ASTN2: variants seen among roughly 807,000 people sequenced by gnomAD.
ASTN2 encodes astrotactin 2.
Under a neutral mutation model 139.8 loss-of-function variants are expected in ASTN2, and 54 were observed. The observed-to-expected ratio is 0.39, with a 90% CI of 0.31 to 0.48. The LOEUF (loss-of-function observed/expected upper bound fraction) is 0.48, where lower values mean the gene tolerates loss of function less well. ASTN2 is among the 20% of genes least tolerant of loss of function. The pLI is 0.95. For synonymous variants in ASTN2, 756 were observed against 719.5 expected (o/e 1.05, Z -0.81); for missense variants, 1,565 against 1,725.1 (o/e 0.91, Z 1.64).
intron 1 of ASTN2, among the ~76,000 whole-genome samples, chr9:117,406,857 AACACACACACACACACACACAC>A (rs59125408): frequency 1.7e-4 from 24 of 144,240 alleles, no homozygotes; most frequent in African/African-American, 5.1e-4. Flanking sequence ...ATTGTCCCCT[AACACACACACACACACACACAC>A]ACACACACAC....
intron 19 of ASTN2, among the ~76,000 whole-genome samples, chr9:116,538,922 A>T (rs2119337940): frequency 6.6e-6 from 1 of 152,342 alleles, no homozygotes; most frequent in Middle Eastern, 3.4e-3. Context: ...ATTGACAAGA[A>T]CTAGTAAGAT....
chr9:116,808,961 T>A (rs572891299), intron 12 of ASTN2, among the ~76,000 whole-genome samples: 7 of 152,310 alleles, frequency 4.6e-5, no homozygotes. Flanking sequence ...TCCATTAATA[T>A]GCATTGACCA....
intron 7 of ASTN2, among the ~76,000 whole-genome samples, chr9:117,006,905 A>G (rs995979156): frequency 2.0e-5 from 3 of 152,130 alleles, no homozygotes; most frequent in Non-Finnish European, 2.9e-5. Context: ...TCATGAAGTC[A>G]GGAGTTCAAG....
chr9:116,620,042 G>C (rs73528729), intron 18 of ASTN2, among the ~76,000 whole-genome samples: 1,685 of 152,072 alleles, frequency 0.011, 28 homozygotes, highest in African/African-American at 0.039. Context: ...ACAAGCTTTT[G>C]CTGAATGGTT....
At chr9:116,924,366 G>T (rs1320964170) in intron 10 of ASTN2, among the ~76,000 whole-genome samples, 1 of 145,666 alleles carries the variant, frequency 6.9e-6, no homozygotes, top group Non-Finnish European at 1.5e-5. Flanking sequence ...GGAGGCAGAG[G>T]TTACAGTGAG....
At position 117,131,689 on chromosome 9, in the gene ASTN2, T is replaced by C. The variant is rs117874323; in HGVS notation, c.1168+9637A>G. Reference sequence around the variant, plus strand: ...ACCCCCATTATCTTAACTCAAGCATTTACTTCAAGTCTTTAGATAATGTTT... The same window carrying C: ...ACCCCCATTATCTTAACTCAAGCATCTACTTCAAGTCTTTAGATAATGTTT... On this transcript the variant is annotated intron_variant, in intron 4 of 22. Transcript: ENST00000313400. 3.4e-3 allele frequency among the ~76,000 whole-genome samples: 520 copies of C among 152,298 alleles called. 12 individuals carry two copies. In the East Asian group the frequency reaches 0.061, roughly 18 times the overall value.
At chr9:117,036,744 G>T (rs954638344) in intron 6 of ASTN2, among the ~76,000 whole-genome samples, 2 of 152,052 alleles carry the variant, frequency 1.3e-5, no homozygotes, top group African/African-American at 4.8e-5. Context: ...CATAATACAG[G>T]CTCTTTCCCC....
intron 19 of ASTN2, among the ~76,000 whole-genome samples, chr9:116,591,182 G>T (rs1017881531): frequency 6.6e-6 from 1 of 152,206 alleles, no homozygotes; most frequent in Non-Finnish European, 1.5e-5. Flanking sequence ...GGAGCTCCCT[G>T]AGCCAGGGCC....
chr9:117,411,867 G>T (rs1241174945), intron 1 of ASTN2, among the ~76,000 whole-genome samples: 1 of 152,166 alleles, frequency 6.6e-6, no homozygotes, highest in Non-Finnish European at 1.5e-5. Flanking sequence ...TGCCCAACTC[G>T]CCAGAGACAA....
chr9:116,751,856 A>C lies in ASTN2; in HGVS notation c.2397-18333T>G, dbSNP rs557403668. 1.5e-4 allele frequency among the ~76,000 whole-genome samples: 23 copies of C among 152,308 alleles called. No homozygotes were observed. In the South Asian group the frequency reaches 4.8e-3, roughly 32 times the overall value. ...CTACAAAACTCTGATGAAGGAAATA[A>C]AAGATCAAAATAAATAAAAGGAGAT... On this transcript the variant is annotated intron_variant, in intron 13 of 22. Coordinates refer to ENST00000313400, the MANE Select transcript of ASTN2 (RefSeq NM_001365068.1).
In ASTN2 at chr9:116,793,353, C is replaced by T. The variant is rs554978108; in HGVS notation, c.2396+12279G>A. ...TCATTCAACACATATTCAGCAGGAA[C>T]GGGGGACACAGCAATGAACAACACA... On this transcript the variant is annotated intron_variant, in intron 13 of 22. Coordinates refer to ENST00000313400, the MANE Select transcript of ASTN2 (RefSeq NM_001365068.1). Among the ~76,000 whole-genome samples the T allele has an allele frequency of 2.7e-4, 41 of 152,264 alleles. No individual in the cohort carries two copies. The South Asian group carries it at 7.9e-3, about 29-fold the overall frequency.
chr9:116,527,415 T>C (rs543936583), intron 19 of ASTN2, among the ~76,000 whole-genome samples: 1 of 152,224 alleles, frequency 6.6e-6, no homozygotes, highest in East Asian at 1.9e-4. Context: ...CCAACAGGTA[T>C]ATGAAAAAAT....
chr9:117,321,422 T>C (rs1828318347), intron 1 of ASTN2, among the ~76,000 whole-genome samples: 1 of 152,202 alleles, frequency 6.6e-6, no homozygotes, highest in Non-Finnish European at 1.5e-5. Context: ...CAAAATGTTA[T>C]AGACTCCTAT....
chr9:117,399,839 T>C (rs964710667), intron 1 of ASTN2, among the ~76,000 whole-genome samples: 1 of 152,244 alleles, frequency 6.6e-6, no homozygotes, highest in Non-Finnish European at 1.5e-5. Flanking sequence ...CTAATCCCAA[T>C]TGACTGGAAG....
chr9:116,480,982 G>T (rs1392724330), intron 20 of ASTN2, among the ~76,000 whole-genome samples: 2 of 152,142 alleles, frequency 1.3e-5, no homozygotes, highest in Non-Finnish European at 2.9e-5. Context: ...CTGCCATTTG[G>T]TAAGCACTGA....
At chr9:116,877,662 G>A (rs1833338579) in intron 10 of ASTN2, among the ~76,000 whole-genome samples, 1 of 152,132 alleles carries the variant, frequency 6.6e-6, no homozygotes, top group Admixed American at 6.6e-5. Flanking sequence ...AAACCAGCCT[G>A]TGGTATGGTG....
chr9:116,990,496 GC>G (rs1836822365), intron 7 of ASTN2, among the ~76,000 whole-genome samples: 1 of 144,704 alleles, frequency 6.9e-6, no homozygotes, highest in African/African-American at 2.9e-5. Flanking sequence ...CTAACTCCTG[GC>G]CTCAAGTGAT....
In ASTN2 at chr9:117,017,016, C is replaced by T. The variant is rs977128111; in HGVS notation, c.1424-8757G>A. ...AATTCTGCATGCCTTTATGTATCTA[C>T]GGTCTTGCTTCAAAGTTGAGTTAGG... On this transcript the variant is annotated intron_variant, in intron 6 of 22. Coordinates refer to ENST00000313400, the MANE Select transcript of ASTN2 (RefSeq NM_001365068.1). Among the ~76,000 whole-genome samples, 10 of 151,576 alleles carry T rather than the reference C, an allele frequency of 6.6e-5. No homozygotes were observed. In the East Asian group the frequency reaches 9.7e-4, roughly 15 times the overall value.
At chr9:116,741,808 G>C (rs1483496094) in intron 13 of ASTN2, among the ~76,000 whole-genome samples, 3 of 152,178 alleles carry the variant, frequency 2.0e-5, no homozygotes, top group Non-Finnish European at 4.4e-5. Flanking sequence ...CCACCCTGAA[G>C]CTCTGCCCTC....
Sources: gnomAD v4.1 joint callset for allele counts (sites outside exome capture counted in the v4.1 genomes callset) on GRCh38, gnomAD v4.1.1 for gene constraint, MANE v1.5 for transcripts, NCBI Gene and HGNC (gene_info 2026-07-23, HGNC 2026-07-21) for gene names.